HIVEP3: variants seen among roughly 807,000 people sequenced by gnomAD.
HIVEP3 encodes HIVEP zinc finger 3.
HIVEP3 carries 49 observed loss-of-function variants against 152.8 expected under a neutral mutation model. The ratio of observed to expected loss-of-function variants is 0.32; its 90% confidence interval spans 0.26 to 0.41. HIVEP3 has a LOEUF of 0.41. HIVEP3 is among the 10% of genes least tolerant of loss of function. The pLI is 1.00. For synonymous variants in HIVEP3, 1,269 were observed against 1,289.0 expected, an observed-to-expected ratio of 0.98 and a Z score of 0.33; for missense variants, 2,790 against 3,103.3, an observed-to-expected ratio of 0.90 and a Z score of 2.40.
intron 1 of HIVEP3, among the ~76,000 whole-genome samples, chr1:41,788,176 G>C (rs1321845496): frequency 6.6e-6 from 1 of 152,154 alleles, no homozygotes; most frequent in Non-Finnish European, 1.5e-5. Context: ...GCCACCCCCC[G>C]ACAGTGAGGA....
chr1:41,656,371 T>C (rs1645629422), intron 2 of HIVEP3, among the ~76,000 whole-genome samples: 1 of 152,220 alleles, frequency 6.6e-6, no homozygotes, highest in South Asian at 2.1e-4. Context: ...GGGAGGGAAC[T>C]GGCAAATGAC....
intron 1 of HIVEP3, among the ~76,000 whole-genome samples, chr1:42,011,300 G>A (rs1033507797): frequency 2.0e-5 from 3 of 152,124 alleles, no homozygotes; most frequent in African/African-American, 4.8e-5. Flanking sequence ...ATAATGTGGA[G>A]GGCAAGGGAT....
chr1:41,610,574 A>G (rs761937301), intron 3 of HIVEP3, among the ~76,000 whole-genome samples: 1 of 152,192 alleles, frequency 6.6e-6, no homozygotes, highest in Non-Finnish European at 1.5e-5. Flanking sequence ...AAAGCAGGCT[A>G]ACAGCACTGC....
At chr1:41,555,608 G>C (rs928219209) in intron 5 of HIVEP3, among the ~76,000 whole-genome samples, 1 of 152,234 alleles carries the variant, frequency 6.6e-6, no homozygotes, top group Non-Finnish European at 1.5e-5. Flanking sequence ...GACCACAGCT[G>C]TTCCTATTTG....
At chr1:41,981,575 T>A (rs1384019661) in intron 1 of HIVEP3, among the ~76,000 whole-genome samples, 1 of 152,090 alleles carries the variant, frequency 6.6e-6, no homozygotes, top group Non-Finnish European at 1.5e-5. Context: ...GTAACCACAC[T>A]GCCTCCCCAC....
intron 1 of HIVEP3, among the ~76,000 whole-genome samples, chr1:41,749,976 C>T (rs1647134037): frequency 1.3e-5 from 2 of 152,214 alleles, no homozygotes; most frequent in African/African-American, 4.8e-5. Flanking sequence ...CCCAGTTGAT[C>T]ACTTGGAACC....
chr1:41,753,259 C>T (rs1315660563), intron 1 of HIVEP3, among the ~76,000 whole-genome samples: 1 of 152,144 alleles, frequency 6.6e-6, no homozygotes. Context: ...TGTGCATCCC[C>T]TTGACCTAGC....
intron 5 of HIVEP3, among the ~76,000 whole-genome samples, chr1:41,552,308 T>C (rs934805822): frequency 2.0e-5 from 3 of 150,916 alleles, no homozygotes; most frequent in Admixed American, 1.3e-4. Context: ...TGCTGGTGCG[T>C]TGCACCCACT....
intron 2 of HIVEP3, among the ~76,000 whole-genome samples, chr1:41,635,533 CACGTAT>C (rs1645256488): frequency 2.8e-5 from 4 of 144,494 alleles, no homozygotes; most frequent in South Asian, 2.2e-4. Flanking sequence ...TACATATATG[CACGTAT>C]ATGTATGTAT....
chr1:41,853,673 G>A (rs1183631700), intron 1 of HIVEP3, among the ~76,000 whole-genome samples: 5 of 152,200 alleles, frequency 3.3e-5, no homozygotes, highest in Non-Finnish European at 5.9e-5. Context: ...GGATTTCAAC[G>A]TGTAGAAAGG....
intron 1 of HIVEP3, among the ~76,000 whole-genome samples, chr1:41,776,272 T>C (rs777426789): frequency 6.6e-6 from 1 of 152,238 alleles, no homozygotes; most frequent in Non-Finnish European, 1.5e-5. Context: ...ACTGGCCACA[T>C]GTCCATGAAG....
intron 5 of HIVEP3, among the ~76,000 whole-genome samples, chr1:41,551,338 T>TC (rs538280612): frequency 1.3e-3 from 13 of 10,130 alleles, no homozygotes; most frequent in Admixed American, 1.7e-3. Context: ...TAAAATTCTC[T>TC]TTTTTTTTGT....
At chr1:42,007,668 T>C (rs1645467480) in intron 1 of HIVEP3, among the ~76,000 whole-genome samples, 1 of 152,160 alleles carries the variant, frequency 6.6e-6, no homozygotes. Flanking sequence ...CTGACACAGG[T>C]GCAAGTGCAC....
intron 5 of HIVEP3, among the ~76,000 whole-genome samples, chr1:41,556,767 A>T (rs1008236973): frequency 6.6e-6 from 1 of 152,132 alleles, no homozygotes; most frequent in Non-Finnish European, 1.5e-5. Context: ...TTATAGTTTT[A>T]GCTCTCACCT....
intron 5 of HIVEP3, among the ~76,000 whole-genome samples, chr1:41,530,784 C>T (rs766728678): frequency 4.0e-4 from 61 of 152,316 alleles, no homozygotes; most frequent in Non-Finnish European, 1.0e-4. Context: ...AGCTGCTCTC[C>T]GACCCCTTCA....
At chr1:41,687,064 G>C (rs1027745021) in intron 2 of HIVEP3, among the ~76,000 whole-genome samples, 2 of 152,158 alleles carry the variant, frequency 1.3e-5, no homozygotes, top group Non-Finnish European at 1.5e-5. Context: ...TAGGGGACCA[G>C]AGAAGGCTTC....
At chr1:41,691,464 G>A (rs983070755) in intron 2 of HIVEP3, among the ~76,000 whole-genome samples, 3 of 152,228 alleles carry the variant, frequency 2.0e-5, no homozygotes, top group Non-Finnish European at 4.4e-5. Flanking sequence ...AGTATTAGGA[G>A]GTGGGGCCTT....
At chr1:41,528,333 TCA>T (rs1367504080) in intron 5 of HIVEP3, among the ~76,000 whole-genome samples, 1 of 60,478 alleles carries the variant, frequency 1.7e-5, no homozygotes, top group Admixed American at 1.9e-4. Context: ...ACCCCCACAC[TCA>T]CACTCGCCCT....
intron 1 of HIVEP3, among the ~76,000 whole-genome samples, chr1:42,025,348 T>C (rs551007164): frequency 3.3e-5 from 5 of 152,384 alleles, no homozygotes; most frequent in Admixed American, 3.3e-4. Flanking sequence ...TTTTTATTTC[T>C]AGTTCTGTTT....
Sources: allele counts gnomAD v4.1 joint callset (sites outside exome capture counted in the v4.1 genomes callset), GRCh38; gene constraint gnomAD v4.1.1; transcripts MANE v1.5; gene names NCBI Gene and HGNC (gene_info 2026-07-23, HGNC 2026-07-21).